The following NREP variants were observed in gnomAD, a reference collection of about 807,000 sequenced individuals.
The protein encoded by NREP is neuronal regeneration related protein.
A neutral mutation model predicts 8.6 loss-of-function variants in NREP; 5 were observed. That is an observed-to-expected ratio of 0.58 (90% CI 0.30 to 1.22). NREP has a LOEUF of 1.22. Ranked by LOEUF, NREP falls within the 50% of genes most tolerant of loss-of-function variation. NREP has a pLI of 0.07. For synonymous variants in NREP, 27 were observed against 28.0 expected (o/e 0.96, Z 0.11); for missense variants, 86 against 82.5 (o/e 1.04, Z -0.17).
intron 2 of NREP, among the ~76,000 whole-genome samples, chr5:111,772,658 G>A (rs953746631): frequency 6.6e-6 from 1 of 151,762 alleles, no homozygotes; most frequent in African/African-American, 2.4e-5. Flanking sequence ...ACACCAACAG[G>A]GATGCTGCTG....
chr5:111,907,796 G>A (rs1754813948), intron 2 of NREP, among the ~76,000 whole-genome samples: 1 of 151,848 alleles, frequency 6.6e-6, no homozygotes, highest in Non-Finnish European at 1.5e-5. Context: ...CTTCCAAGAA[G>A]TCTTTTAAGT....
intron 2 of NREP, among the ~76,000 whole-genome samples, chr5:111,822,321 A>G (rs1752530571): frequency 6.6e-6 from 1 of 152,252 alleles, no homozygotes; most frequent in Non-Finnish European, 1.5e-5. Context: ...ACAGATAACT[A>G]AAAGACTGGG....
chr5:111,928,914 A>G (rs1475207695), intron 2 of NREP, among the ~76,000 whole-genome samples: 2 of 152,178 alleles, frequency 1.3e-5, no homozygotes, highest in Non-Finnish European at 2.9e-5. Flanking sequence ...TGTATGTCCC[A>G]GTTTAAAACA....
intron 2 of NREP, among the ~76,000 whole-genome samples, chr5:111,849,495 G>C (rs1321691378): frequency 6.6e-6 from 1 of 152,150 alleles, no homozygotes; most frequent in Non-Finnish European, 1.5e-5. Flanking sequence ...GCTTTAAGCA[G>C]AGGAGTAACA....
intron 1 of NREP, among the ~76,000 whole-genome samples, chr5:111,976,095 ATT>A (rs1252852027): frequency 6.6e-6 from 1 of 152,130 alleles, no homozygotes; most frequent in African/African-American, 2.4e-5. Flanking sequence ...TATTGTGCAT[ATT>A]GTTTTGAGAT....
intron 2 of NREP, among the ~76,000 whole-genome samples, chr5:111,747,897 T>C (rs771734204): frequency 6.6e-6 from 1 of 152,180 alleles, no homozygotes; most frequent in Non-Finnish European, 1.5e-5. Context: ...TTAGAAACCA[T>C]TCTAAGGTCA....
intron 2 of NREP, among the ~76,000 whole-genome samples, chr5:111,936,738 A>C (rs1303599637): frequency 1.3e-5 from 2 of 152,098 alleles, no homozygotes; most frequent in Non-Finnish European, 2.9e-5. Context: ...ACAGAAACCA[A>C]ATGGAAACTT....
At chr5:111,864,966 G>C (rs1388817696) in intron 2 of NREP, among the ~76,000 whole-genome samples, 4 of 152,058 alleles carry the variant, frequency 2.6e-5, no homozygotes. Flanking sequence ...TATTCAAAGG[G>C]GAAGTTGATA....
intron 2 of NREP, among the ~76,000 whole-genome samples, chr5:111,834,097 A>G (rs1752838047): frequency 6.6e-6 from 1 of 152,166 alleles, no homozygotes; most frequent in South Asian, 2.1e-4. Flanking sequence ...CCCTGTGGGA[A>G]CTGGAGTAGA....
intron 2 of NREP, among the ~76,000 whole-genome samples, chr5:111,947,436 T>C (rs1476436391): frequency 6.6e-6 from 1 of 151,676 alleles, no homozygotes; most frequent in Non-Finnish European, 1.5e-5. Context: ...TTATTGACTT[T>C]GAAAAAGAGT....
intron 2 of NREP, among the ~76,000 whole-genome samples, chr5:111,905,569 C>T (rs1306431208): frequency 6.6e-6 from 1 of 152,100 alleles, no homozygotes; most frequent in African/African-American, 2.4e-5. Context: ...TCATTGATTA[C>T]AGCTTGAAAG....
intron 2 of NREP, among the ~76,000 whole-genome samples, chr5:111,881,791 TAACA>T (rs1448756176): frequency 1.3e-5 from 2 of 152,094 alleles, no homozygotes; most frequent in East Asian, 3.9e-4. Context: ...GAAGGAAAAC[TAACA>T]AACAGAAAGG....
intron 2 of NREP, among the ~76,000 whole-genome samples, chr5:111,742,950 G>A (rs756270595): frequency 5.9e-5 from 9 of 152,100 alleles, no homozygotes; most frequent in Non-Finnish European, 1.3e-4. Flanking sequence ...ACAGTAATCG[G>A]AGCCAAACTG....
chr5:111,775,507 C>A (rs957562762), intron 2 of NREP, among the ~76,000 whole-genome samples: 2 of 152,114 alleles, frequency 1.3e-5, no homozygotes, highest in South Asian at 2.1e-4. Context: ...CAGCCCTACT[C>A]ATATTCTGTG....
intron 2 of NREP, among the ~76,000 whole-genome samples, chr5:111,751,614 A>T (rs1370544719): frequency 6.6e-6 from 1 of 152,194 alleles, no homozygotes; most frequent in Non-Finnish European, 1.5e-5. Context: ...AACCAAGATG[A>T]CATAATCCAA....
chr5:111,740,848 T>G (rs193213304), intron 2 of NREP, among the ~76,000 whole-genome samples: 2 of 152,354 alleles, frequency 1.3e-5, no homozygotes, highest in East Asian at 3.9e-4. Flanking sequence ...ATCTACTTAT[T>G]ACCTGTTTCT....
intron 2 of NREP, among the ~76,000 whole-genome samples, chr5:111,959,164 A>T (rs1304447385): frequency 6.6e-6 from 1 of 152,042 alleles, no homozygotes; most frequent in East Asian, 1.9e-4. Flanking sequence ...AGCAAAAAGA[A>T]AGATAAATAT....
intron 2 of NREP, among the ~76,000 whole-genome samples, chr5:111,817,804 CAAAA>C (rs145517030): frequency 1.8e-5 from 1 of 56,444 alleles, no homozygotes; most frequent in Non-Finnish European, 3.5e-5. Context: ...GACTTCATCT[CAAAA>C]AAAAAAAAAA....
intron 2 of NREP, among the ~76,000 whole-genome samples, chr5:111,874,813 A>G (rs999198698): frequency 4.6e-5 from 7 of 152,044 alleles, no homozygotes; most frequent in Admixed American, 3.9e-4. Context: ...TCTCTTCTAT[A>G]CTCCCCATTG....
Sources: allele counts gnomAD v4.1 joint callset (sites outside exome capture counted in the v4.1 genomes callset), GRCh38; gene constraint gnomAD v4.1.1; transcripts MANE v1.5; gene names NCBI Gene and HGNC (gene_info 2026-07-23, HGNC 2026-07-21).